TMCO4: variants seen among roughly 807,000 people sequenced by gnomAD.
The protein encoded by TMCO4 is transmembrane and coiled-coil domain-containing protein 4.
Under a neutral mutation model 64.7 loss-of-function variants are expected in TMCO4, and 58 were observed. The observed-to-expected ratio is 0.90, with a 90% CI of 0.73 to 1.12. The LOEUF (loss-of-function observed/expected upper bound fraction) is 1.12. Among genes scored for constraint, TMCO4 ranks in the 50% most tolerant of loss-of-function variants. The pLI is 0.00. For synonymous variants in TMCO4, 325 were observed against 346.1 expected, an observed-to-expected ratio of 0.94 and a Z score of 0.68; for missense variants, 780 against 825.9, an observed-to-expected ratio of 0.94 and a Z score of 0.68.
intron 13 of TMCO4, among the ~76,000 whole-genome samples, chr1:19,706,289 C>T (rs180812514): frequency 3.0e-4 from 46 of 152,238 alleles, no homozygotes; most frequent in African/African-American, 1.1e-3. Flanking sequence ...GTGTAGAATG[C>T]CCCCGGTTTT....
At chr1:19,685,706 G>GTTT (rs1359019281) in intron 15 of TMCO4, among the ~76,000 whole-genome samples, 1 of 49,842 alleles carries the variant, frequency 2.0e-5, no homozygotes, top group Non-Finnish European at 4.0e-5. Context: ...ATCCAGGCCT[G>GTTT]TTTCTTTTTT....
intron 7 of TMCO4, among the ~76,000 whole-genome samples, chr1:19,750,652 C>T (rs2041987972): frequency 6.6e-6 from 1 of 152,184 alleles, no homozygotes; most frequent in Admixed American, 6.5e-5. Context: ...CCTCTGTGTC[C>T]TGATCCCTCT....
intron 3 of TMCO4, among the ~76,000 whole-genome samples, chr1:19,783,936 A>G (rs114582341): frequency 0.011 from 1,649 of 152,296 alleles, 38 homozygotes; most frequent in African/African-American, 0.037. Flanking sequence ...GTCAGCTCAG[A>G]CCATGGTGGT....
rs2095112597 is a variant in TMCO4, at chr1:19,682,827, C to T, written c.*213G>A. 1.3e-6 allele frequency: 1 copy of T among 755,452 alleles called. No individual in the cohort carries two copies. The highest frequency in any genetic ancestry group is 1.7e-5 in the African/African-American group (1 of 57,758). 46.8% of individuals were successfully genotyped at this position (755,452 alleles called of 1,614,324 possible). A position where few individuals can be genotyped will look rare whatever the true frequency, so the allele number is the denominator to read the frequency against. ...GGGCAGCTGCTCCCTGGTGGGGCTC[C>T]TCTGGGGACAGGCAGCTTCCCAAGG... On this transcript the variant is annotated 3_prime_UTR_variant, in exon 16 of 16. Coordinates refer to ENST00000294543, the MANE Select transcript of TMCO4 (RefSeq NM_181719.7).
At chr1:19,763,314 G>A (rs546660578) in intron 6 of TMCO4, among the ~76,000 whole-genome samples, 20 of 152,262 alleles carry the variant, frequency 1.3e-4, no homozygotes, top group Non-Finnish European at 2.6e-4. Context: ...GACCTCAAGT[G>A]ATCTGCCTGC....
intron 4 of TMCO4, among the ~76,000 whole-genome samples, chr1:19,774,058 C>A (rs548976391): frequency 6.6e-6 from 1 of 152,292 alleles, no homozygotes; most frequent in Admixed American, 6.5e-5. Flanking sequence ...TGTCTGGCAC[C>A]AGTGAACCCT....
At chr1:19,746,359 G>T in intron 9 of TMCO4, 97 bp downstream of exon 9, 1 of 1,532,646 alleles carries the variant, frequency 6.5e-7, no homozygotes, top group Middle Eastern at 1.7e-4. Flanking sequence ...TGTCTCCCAG[G>T]GAGTCACTGC....
At position 19,739,965 on chromosome 1, in the gene TMCO4, G is replaced by A; in HGVS notation, c.1043-5C>T. ...AGGTCAGGGCAGCCACAATGCCTGGGGAGGTGAGATAGTGATGAAGGGAAT... is the reference window on the plus strand; with the variant it reads ...AGGTCAGGGCAGCCACAATGCCTGGAGAGGTGAGATAGTGATGAAGGGAAT... On this transcript the variant is annotated splice_region_variant and splice_polypyrimidine_tract_variant and intron_variant, in intron 11 of 15. Transcript: ENST00000294543. 1.2e-6 allele frequency: 2 copies of A among 1,612,030 alleles called. No homozygotes were observed. The highest frequency in any genetic ancestry group is 1.7e-6 in the Non-Finnish European group (2 of 1,179,084).
chr1:19,739,085 A>C (rs925062215), intron 12 of TMCO4, among the ~76,000 whole-genome samples: 1 of 152,120 alleles, frequency 6.6e-6, no homozygotes, highest in African/African-American at 2.4e-5. Context: ...CAGGAAAATA[A>C]ATTTCTACCT....
At chr1:19,699,508 T>C (rs1444147691) in intron 14 of TMCO4, among the ~76,000 whole-genome samples, 1 of 148,026 alleles carries the variant, frequency 6.8e-6, no homozygotes, top group Non-Finnish European at 1.5e-5. Flanking sequence ...TATATATATA[T>C]ATATATTGAG....
chr1:19,685,970 A>G (rs6677765), intron 15 of TMCO4, among the ~76,000 whole-genome samples: 89,631 of 151,734 alleles, frequency 0.59, 27,041 homozygotes, highest in Non-Finnish European at 0.64. Flanking sequence ...CTCATGATCC[A>G]CCCACCTCGG....
chr1:19,689,553 GC>G (rs1049229614), intron 15 of TMCO4, among the ~76,000 whole-genome samples: 60 of 152,174 alleles, frequency 3.9e-4, no homozygotes, highest in African/African-American at 1.2e-3. Context: ...TAAGTAACTG[GC>G]CCAAGGTCAC....
chr1:19,716,723 C>T (rs973433256), intron 13 of TMCO4, among the ~76,000 whole-genome samples: 7 of 152,024 alleles, frequency 4.6e-5, no homozygotes, highest in African/African-American at 1.4e-4. Flanking sequence ...TTCTGGTGTC[C>T]TCCCTCCAGG....
chr1:19,781,142 C>T (rs1436853504), intron 3 of TMCO4, among the ~76,000 whole-genome samples: 5 of 127,148 alleles, frequency 3.9e-5, no homozygotes, highest in Non-Finnish European at 8.2e-5. Flanking sequence ...GAGACTCCAT[C>T]TCAAAAAAAA....
At chr1:19,781,645 T>G (rs1026638524) in intron 3 of TMCO4, among the ~76,000 whole-genome samples, 1 of 150,136 alleles carries the variant, frequency 6.7e-6, no homozygotes, top group Non-Finnish European at 1.5e-5. Context: ...AACTTTCTTT[T>G]TTTTTTTTTT....
At chr1:19,741,742 CTTT>C (rs11404111) in intron 10 of TMCO4, among the ~76,000 whole-genome samples, 1 of 142,202 alleles carries the variant, frequency 7.0e-6, no homozygotes, top group Non-Finnish European at 1.5e-5. Context: ...TTCTTTCTTT[CTTT>C]TTTTTTTTTG....
chr1:19,693,147 T>TGGGCGACA (rs2095210504), intron 15 of TMCO4, among the ~76,000 whole-genome samples: 1 of 105,926 alleles, frequency 9.4e-6, no homozygotes. Context: ...CACTCCAGCC[T>TGGGCGACA]GAGCGAGACC....
chr1:19,764,541 A>G (rs1039207188), intron 6 of TMCO4, among the ~76,000 whole-genome samples: 3 of 152,184 alleles, frequency 2.0e-5, no homozygotes, highest in Non-Finnish European at 4.4e-5. Flanking sequence ...GGCTGTTTGG[A>G]TACGGATTAT....
At chr1:19,686,498 T>A (rs1442112573) in intron 15 of TMCO4, among the ~76,000 whole-genome samples, 1 of 152,202 alleles carries the variant, frequency 6.6e-6, no homozygotes, top group East Asian at 1.9e-4. Flanking sequence ...AAAAGACAAT[T>A]CCCTGTACAG....
Sources: gnomAD v4.1 joint callset for allele counts (sites outside exome capture counted in the v4.1 genomes callset) on GRCh38, gnomAD v4.1.1 for gene constraint, MANE v1.5 for transcripts, NCBI Gene and HGNC (gene_info 2026-07-23, HGNC 2026-07-21) for gene names.